The following ZNF469 variants were observed in gnomAD, a reference collection of about 807,000 sequenced individuals.
ZNF469 encodes the protein zinc finger protein 469.
In ZNF469, 1 loss-of-function variant was observed where a neutral mutation model predicts 1.0. The observed-to-expected ratio is 1.00, with a 90% CI of 0.35 to 4.73. ZNF469 has a LOEUF of 4.73. Among genes scored for constraint, ZNF469 ranks in the 30% most tolerant of loss-of-function variants. The probability of loss-of-function intolerance (pLI) is 0.16; values close to 1 mark genes in which losing one functional copy is unlikely to be tolerated. For missense variants in ZNF469, 6,100 were observed against 5,356.3 expected (o/e 1.14, Z -4.33); for synonymous variants, 2,703 against 2,363.4 (o/e 1.14, Z -4.17).
the ZNF469 span, among the ~76,000 whole-genome samples, chr16:88,234,010 C>T: frequency 2.0e-5 from 3 of 152,292 alleles, no homozygotes; most frequent in Admixed American, 6.5e-5. Flanking sequence ...CTTTTTTAAA[C>T]GATGAAATTA....
chr16:88,217,227 C>G, the ZNF469 span, among the ~76,000 whole-genome samples: 3 of 152,044 alleles, frequency 2.0e-5, no homozygotes, highest in Non-Finnish European at 4.4e-5. Context: ...TTTACCCTTC[C>G]TTGTGCTAGG....
At chr16:88,387,806 C>A (rs961692168) in intron 1 of ZNF469, among the ~76,000 whole-genome samples, 1 of 152,190 alleles carries the variant, frequency 6.6e-6, no homozygotes, top group Non-Finnish European at 1.5e-5. Flanking sequence ...GTCCCCCTAA[C>A]ACCCAGCTCT....
rs936296523 is a variant in ZNF469 at position 88,438,714 on chromosome 16, C to T, written c.11244C>T (p.Ser3748=). Residue 3748 remains serine (S), a synonymous_variant, in exon 3 of 3, where the codon AGC becomes AGT. Coordinates refer to ENST00000565624, the MANE Select transcript of ZNF469 (RefSeq NM_001367624.2). The part of the protein sequence containing the change: ...PRPGTKTGGG[S]QPQPASGQLQ... ...CCGGCACCAAGACAGGAGGTGGCAG[C>T]CAGCCCCAGCCAGCCAGCGGGCAGC... 135 of 1,549,988 alleles carry T rather than the reference C, an allele frequency of 8.7e-5. 1 individual carries two copies. The Admixed American group carries it at 2.6e-3, about 30-fold the overall frequency.
At chr16:88,163,497 AATGG>A in the ZNF469 span, among the ~76,000 whole-genome samples, 77,301 of 134,766 alleles carry the variant, frequency 0.57, 21,126 homozygotes, top group Non-Finnish European at 0.66. Context: ...AGGATGGATG[AATGG>A]ATGGATGGAT....
At chr16:88,151,247 G>A in the ZNF469 span, among the ~76,000 whole-genome samples, 1 of 152,240 alleles carries the variant, frequency 6.6e-6, no homozygotes, top group South Asian at 2.1e-4. The surrounding 1 kb of genome is among the most constrained non-coding windows in gnomAD (Gnocchi z 5.4). Flanking sequence ...CTTCATCCAG[G>A]CCTCGACTGT....
the ZNF469 span, among the ~76,000 whole-genome samples, chr16:88,115,670 A>G: frequency 1.3e-5 from 2 of 149,322 alleles, no homozygotes; most frequent in South Asian, 2.2e-4. Context: ...CTCCCTCTGG[A>G]GGCTCTGGGC....
At chr16:88,363,277 T>A in the ZNF469 span, among the ~76,000 whole-genome samples, 1 of 152,254 alleles carries the variant, frequency 6.6e-6, no homozygotes, top group Non-Finnish European at 1.5e-5. Flanking sequence ...TTGTTGTTTT[T>A]ACATGTCAGG....
At position 88,429,444 on chromosome 16, in the gene ZNF469, C is replaced by T. The variant is rs1394545857; in HGVS notation, c.1974C>T (p.Pro658=). 11 of 1,548,760 alleles carry T rather than the reference C, an allele frequency of 7.1e-6. No individual in the cohort carries two copies. The highest frequency in any genetic ancestry group is 2.0e-5 in the Admixed American group (1 of 51,008). Residue 658 remains proline, a synonymous_variant, in exon 3 of 3, where the codon CCC becomes CCT. Transcript: ENST00000565624. ...CCCCGGAGCCCCCCCACTCCCTCCCCACCCACTACCAGCCAGAGCCAGCCA... is the reference window on the plus strand; with the variant it reads ...CCCCGGAGCCCCCCCACTCCCTCCCTACCCACTACCAGCCAGAGCCAGCCA... ...FPSPEPPHSL[P]THYQPEPAKA...
rs773064083 is a variant in ZNF469 at position 88,437,320 on chromosome 16, G to T, written c.9850G>T (p.Gly3284Trp). Reference sequence around the variant, plus strand: ...ACGCAGCACCCCCAGCAACCCAGACGGGGCCGCGACCCCAGACAGCGCCTC... The same window carrying T: ...ACGCAGCACCCCCAGCAACCCAGACTGGGCCGCGACCCCAGACAGCGCCTC... Reference protein sequence around the residue: ...RARSTPSNPDGAATPDSASAT... With the variant: ...RARSTPSNPDWAATPDSASAT... Residue 3284 changes from glycine (G) to tryptophan (W), a missense_variant, in exon 3 of 3, where the codon GGG (glycine) becomes TGG (tryptophan). Gly to Trp is a radical substitution (Grantham distance 184, BLOSUM62 -2). Coordinates refer to ENST00000565624, the MANE Select transcript of ZNF469 (RefSeq NM_001367624.2). 3.9e-6 allele frequency: 6 copies of T among 1,547,234 alleles called. No individual in the cohort carries two copies. Among genetic ancestry groups the T allele is most frequent in the South Asian group, 1.2e-5 (1 of 83,896 alleles).
the ZNF469 span, among the ~76,000 whole-genome samples, chr16:88,247,548 A>AGTGAATGAG: frequency 5.4e-5 from 4 of 74,484 alleles, no homozygotes; most frequent in Non-Finnish European, 1.6e-4. Context: ...GAATGAGTGA[A>AGTGAATGAG]TGAATGAGTG....
At chr16:88,340,074 G>T in the ZNF469 span, among the ~76,000 whole-genome samples, 3 of 152,104 alleles carry the variant, frequency 2.0e-5, no homozygotes, top group Admixed American at 6.5e-5. Flanking sequence ...ACGGACACCA[G>T]TCCTCTCTAT....
the ZNF469 span, among the ~76,000 whole-genome samples, chr16:88,158,682 C>A: frequency 3.3e-5 from 5 of 152,328 alleles, no homozygotes; most frequent in Admixed American, 2.0e-4. Context: ...GCCACCGCTG[C>A]CCCTCTGCTG....
chr16:88,285,458 C>G, the ZNF469 span, among the ~76,000 whole-genome samples: 2 of 152,238 alleles, frequency 1.3e-5, no homozygotes, highest in African/African-American at 4.8e-5. Flanking sequence ...CACACTGTCA[C>G]AGCAGAATCT....
the ZNF469 span, among the ~76,000 whole-genome samples, chr16:88,348,602 G>C: frequency 6.6e-6 from 1 of 152,200 alleles, no homozygotes; most frequent in Non-Finnish European, 1.5e-5. Context: ...CAGTGTCCCA[G>C]TGGACCGGGT....
At position 88,430,372 on chromosome 16, in the gene ZNF469, G is replaced by A. The variant is rs1906060873; in HGVS notation, c.2902G>A (p.Gly968Arg). Residue 968 changes from glycine (G) to arginine (R), a missense_variant, in exon 3 of 3, where the codon GGG (glycine) becomes AGG (arginine). Transcript: ENST00000565624. ...CTCGGGCGGCGCAGCAGAGGGGTCG[G>A]GGTCGGGCGGCGGCGGCAGAGCCTC... Reference protein sequence around the residue: ...LDSGGAAEGSGSGGGGRASGL... With the variant: ...LDSGGAAEGSRSGGGGRASGL... 2.0e-6 allele frequency: 3 copies of A among 1,516,526 alleles called. No individual in the cohort carries two copies. The East Asian group carries it at 7.4e-5, about 37-fold the overall frequency. The allele number at this position is 1,516,526 out of a possible 1,614,324, so 93.9% of individuals were successfully genotyped here. A position where few individuals can be genotyped will look rare whatever the true frequency, so the allele number is the denominator to read the frequency against.
intron 1 of ZNF469, among the ~76,000 whole-genome samples, chr16:88,396,499 CA>C (rs1904665963): frequency 1.4e-5 from 2 of 145,668 alleles, no homozygotes; most frequent in Admixed American, 6.8e-5. Flanking sequence ...AGGAGACCCT[CA>C]TGAAGGGAGG....
the ZNF469 span, among the ~76,000 whole-genome samples, chr16:88,109,776 G>A: frequency 2.0e-5 from 3 of 150,688 alleles, no homozygotes; most frequent in Non-Finnish European, 4.4e-5. Flanking sequence ...GGATCAGGAG[G>A]TGCTGTGCGT....
intron 1 of ZNF469, among the ~76,000 whole-genome samples, chr16:88,421,751 A>T (rs932461891): frequency 2.0e-5 from 3 of 152,244 alleles, no homozygotes; most frequent in Non-Finnish European, 2.9e-5. Flanking sequence ...AAGCACAGTT[A>T]TAGACAGTCC....
At chr16:88,392,875 C>G (rs1433567003) in intron 1 of ZNF469, among the ~76,000 whole-genome samples, 1 of 152,248 alleles carries the variant, frequency 6.6e-6, no homozygotes, top group Non-Finnish European at 1.5e-5. Flanking sequence ...ACCTCCCTTG[C>G]TCCTTGTAGA....
Sources: allele counts gnomAD v4.1 joint callset (sites outside exome capture counted in the v4.1 genomes callset), GRCh38; gene constraint gnomAD v4.1.1; non-coding constraint Gnocchi (gnomAD v3.1); transcripts MANE v1.5; gene names NCBI Gene and HGNC (gene_info 2026-07-23, HGNC 2026-07-21).